The following SNX13 variants were observed in gnomAD, a reference collection of about 807,000 sequenced individuals.
SNX13 encodes sorting nexin 13, also known as sorting nexin-13.
Under a neutral mutation model 133.6 loss-of-function variants are expected in SNX13, and 45 were observed. The observed-to-expected ratio is 0.34, with a 90% confidence interval of 0.27 to 0.43. SNX13 has a LOEUF of 0.43. Among genes scored for constraint, SNX13 ranks in the 20% least tolerant of loss-of-function variants. The pLI is 1.00. For missense variants in SNX13, 1,032 were observed against 1,145.1 expected (o/e 0.90, Z 1.43); for synonymous variants, 414 against 373.9 (o/e 1.11, Z -1.24).
At chr7:17,805,211 T>C (rs988445471) in intron 20 of SNX13, among the ~76,000 whole-genome samples, 2 of 118,492 alleles carry the variant, frequency 1.7e-5, no homozygotes, top group African/African-American at 3.4e-5. Flanking sequence ...TAATGATTCT[T>C]TGTGTGTGTG....
At chr7:17,937,458 G>C (rs1173824178) in intron 1 of SNX13, among the ~76,000 whole-genome samples, 1 of 144,200 alleles carries the variant, frequency 6.9e-6, no homozygotes, top group Non-Finnish European at 1.5e-5. Flanking sequence ...AGGTTGCAGT[G>C]AGCCAAGATC....
chr7:17,867,420 T>C (rs1197392782), intron 9 of SNX13, among the ~76,000 whole-genome samples: 4 of 151,974 alleles, frequency 2.6e-5, no homozygotes, highest in Non-Finnish European at 5.9e-5. Flanking sequence ...TGGCTAGGGC[T>C]ACATAGCAAA....
intron 1 of SNX13, among the ~76,000 whole-genome samples, chr7:17,917,189 C>T (rs1205939328): frequency 6.6e-6 from 1 of 152,132 alleles, no homozygotes; most frequent in Non-Finnish European, 1.5e-5. Context: ...CCATCTATGA[C>T]ACACCCACAG....
intron 17 of SNX13, among the ~76,000 whole-genome samples, chr7:17,824,273 A>G (rs1162801344): frequency 1.3e-5 from 2 of 152,138 alleles, no homozygotes; most frequent in African/African-American, 4.8e-5. Context: ...TTCTCAATGA[A>G]GGAAGCAATA....
chr7:17,816,342 C>A (rs1786661946), intron 18 of SNX13, 53 bp from the exon 19 acceptor site: 1 of 1,498,736 alleles, frequency 6.7e-7, no homozygotes, highest in South Asian at 1.3e-5. Context: ...AAAGGTTTTC[C>A]CAAGTGATTA....
In SNX13 at chr7:17,814,964, A is replaced by AAAAAG; in HGVS notation, c.1954-21_1954-20insCTTTT. The AAAAAG allele has an allele frequency of 7.1e-7, 1 of 1,401,776 alleles. No homozygotes were observed. The highest frequency in any genetic ancestry group is 9.2e-7 in the Non-Finnish European group (1 of 1,083,418). The allele number at this position is 1,401,776 out of a possible 1,614,324, so 86.8% of individuals were successfully genotyped here. A position where few individuals can be genotyped will look rare whatever the true frequency, so the allele number is the denominator to read the frequency against. On this transcript the variant is annotated intron_variant, in intron 19 of 25. Transcript: ENST00000428135. ...CAGTAACTAACAAGAAAAAAAAAAA[A>AAAAAG]AAGAAGAGATTATCTTAAACTGACA...
chr7:17,938,071 T>C (rs755762983), intron 1 of SNX13, among the ~76,000 whole-genome samples: 3 of 152,208 alleles, frequency 2.0e-5, no homozygotes, highest in Non-Finnish European at 4.4e-5. Context: ...ACACTAATTT[T>C]GTAGTAGCCA....
intron 15 of SNX13, among the ~76,000 whole-genome samples, chr7:17,833,827 T>C (rs1321124138): frequency 6.6e-6 from 1 of 151,700 alleles, no homozygotes; most frequent in Non-Finnish European, 1.5e-5. Flanking sequence ...TCTTCTTCTT[T>C]AAGAATTCAA....
At chr7:17,869,103 A>C (rs1793744509) in intron 8 of SNX13, among the ~76,000 whole-genome samples, 1 of 152,114 alleles carries the variant, frequency 6.6e-6, no homozygotes, top group African/African-American at 2.4e-5. Context: ...AGAACAATTG[A>C]CTGCAGAATC....
chr7:17,796,499 T>G (rs184065255), intron 25 of SNX13: 119 of 202,620 alleles, frequency 5.9e-4, no homozygotes, highest in African/African-American at 2.6e-3. Flanking sequence ...GCGAAGTGGC[T>G]AAAAGCATAA....
intron 17 of SNX13, among the ~76,000 whole-genome samples, chr7:17,823,079 T>C (rs1787484762): frequency 6.6e-6 from 1 of 152,244 alleles, no homozygotes; most frequent in Non-Finnish European, 1.5e-5. Context: ...TGGCCCATCC[T>C]GCCTCTTCTA....
intron 16 of SNX13, among the ~76,000 whole-genome samples, chr7:17,829,408 C>T (rs1788236474): frequency 6.6e-6 from 1 of 151,310 alleles, no homozygotes; most frequent in African/African-American, 2.4e-5. Flanking sequence ...TACACTGTAC[C>T]TTGAATATAT....
At position 17,830,053 on chromosome 7, in the gene SNX13, G is replaced by A. The variant is rs1426912791; in HGVS notation, c.1598-6C>T. On this transcript the variant is annotated splice_region_variant and splice_polypyrimidine_tract_variant and intron_variant, in intron 15 of 25. Transcript: ENST00000428135. ...AGGAGACCCATTAAAAGATTCTGCAGGGGGGAAATTCAACTTAGTATACAG... is the reference window on the plus strand; with the variant it reads ...AGGAGACCCATTAAAAGATTCTGCAAGGGGGAAATTCAACTTAGTATACAG... 3 of 1,526,644 alleles carry A rather than the reference G, an allele frequency of 2.0e-6. No homozygotes were observed. The highest frequency in any genetic ancestry group is 2.5e-5 in the South Asian group (2 of 80,338). The allele number at this position is 1,526,644 out of a possible 1,614,324, so 94.6% of individuals were successfully genotyped here. A position where few individuals can be genotyped will look rare whatever the true frequency, so the allele number is the denominator to read the frequency against.
intron 1 of SNX13, among the ~76,000 whole-genome samples, chr7:17,931,008 C>T (rs1482648316): frequency 6.6e-6 from 1 of 152,172 alleles, no homozygotes; most frequent in Non-Finnish European, 1.5e-5. Context: ...TCCACAAAAC[C>T]GGTCCCTTGG....
At chr7:17,819,717 A>G (rs1419075468) in intron 18 of SNX13, among the ~76,000 whole-genome samples, 1 of 152,184 alleles carries the variant, frequency 6.6e-6, no homozygotes, top group Non-Finnish European at 1.5e-5. Flanking sequence ...TAAAATATAG[A>G]TAAGGCTGAG....
At position 17,876,861 on chromosome 7, in the gene SNX13, A is replaced by G. The variant is rs1020671222; in HGVS notation, c.441-1071T>C. On this transcript the variant is annotated intron_variant, in intron 5 of 25. Coordinates refer to ENST00000428135, the MANE Select transcript of SNX13 (RefSeq NM_015132.5). ...ATTTTTTAATATAATGTTCTTTTTC[A>G]TAAAATCGCACTAAAATTAATTCAC... 9.9e-5 allele frequency among the ~76,000 whole-genome samples: 15 copies of G among 152,132 alleles called. No homozygotes were observed. The East Asian group carries it at 2.5e-3, about 26-fold the overall frequency.
At chr7:17,825,579 T>G (rs1184001608) in intron 17 of SNX13, among the ~76,000 whole-genome samples, 1 of 152,192 alleles carries the variant, frequency 6.6e-6, no homozygotes, top group Non-Finnish European at 1.5e-5. Flanking sequence ...GTTTCTCACC[T>G]CATTATTCAA....
intron 9 of SNX13, among the ~76,000 whole-genome samples, chr7:17,855,674 C>T (rs904371975): frequency 1.3e-5 from 2 of 152,194 alleles, no homozygotes; most frequent in Admixed American, 6.5e-5. Flanking sequence ...TTGAGATGTA[C>T]CACTTACAAA....
At position 17,814,842 on chromosome 7, in the gene SNX13, CA is replaced by C; in HGVS notation, c.2055del (p.Phe685LeufsTer9). 6.5e-7 allele frequency: 1 copy of C among 1,537,304 alleles called. No homozygotes were observed. The highest frequency in any genetic ancestry group is 1.4e-5 in the African/African-American group (1 of 70,708). On this transcript the variant is annotated frameshift_variant, in exon 20 of 26. Transcript: ENST00000428135. LOFTEE classifies it high-confidence loss of function. ...GTGGTCTGCTTACTTACCTTGCGAG[CA>C]AAATCCCCTTTTCCTTTACTGTAGG... Reference protein sequence around the residue: ...NKAYSKGKGDFARKMDTFVNP... With the variant: ...NKAYSKGKGDXARKMDTFVNP...
Sources: gnomAD v4.1 joint callset for allele counts (sites outside exome capture counted in the v4.1 genomes callset) on GRCh38, gnomAD v4.1.1 for gene constraint, MANE v1.5 for transcripts, NCBI Gene and HGNC (gene_info 2026-07-23, HGNC 2026-07-21) for gene names.